Variants in RBFOX1 observed in about 807,000 individuals in gnomAD.
The protein encoded by RBFOX1 is RNA binding protein fox-1 homolog 1.
Under a neutral mutation model 57.7 loss-of-function variants are expected in RBFOX1, and 8 were observed. The ratio of observed to expected loss-of-function variants is 0.14; its 90% CI spans 0.08 to 0.25. The LOEUF (loss-of-function observed/expected upper bound fraction) is 0.25, where lower values mean the gene tolerates loss of function less well. Among genes scored for constraint, RBFOX1 ranks in the 10% least tolerant of loss-of-function variants. The pLI is 1.00. For synonymous variants in RBFOX1, 326 were observed against 222.4 expected, an observed-to-expected ratio of 1.47 and a Z score of -4.15; for missense variants, 611 against 548.5, an observed-to-expected ratio of 1.11 and a Z score of -1.14.
At chr16:6,487,552 C>T (rs1000651487) in intron 2 of RBFOX1, among the ~76,000 whole-genome samples, 5 of 150,726 alleles carry the variant, frequency 3.3e-5, no homozygotes, top group African/African-American at 9.8e-5. Flanking sequence ...AAGCATTTAC[C>T]GATAGTGAAG....
At chr16:5,870,609 G>GT (rs1036919545) in intron 4 of RBFOX1, among the ~76,000 whole-genome samples, 1 of 150,626 alleles carries the variant, frequency 6.6e-6, no homozygotes, top group African/African-American at 2.4e-5. Context: ...AGATGGAACA[G>GT]TTTTTTTTAG....
chr16:5,480,197 C>A (rs184914158), intron 2 of RBFOX1, among the ~76,000 whole-genome samples: 1 of 152,156 alleles, frequency 6.6e-6, no homozygotes, highest in Non-Finnish European at 1.5e-5. Context: ...AAAGAAATCC[C>A]TGCTGTGCTC....
At chr16:6,946,267 A>G (rs765714239) in intron 3 of RBFOX1, among the ~76,000 whole-genome samples, 2 of 152,252 alleles carry the variant, frequency 1.3e-5, no homozygotes, top group Non-Finnish European at 2.9e-5. Context: ...TAGTACAACA[A>G]TAGCCATAGA....
At chr16:6,851,378 A>G (rs2094053220) in intron 3 of RBFOX1, among the ~76,000 whole-genome samples, 1 of 152,040 alleles carries the variant, frequency 6.6e-6, no homozygotes, top group Non-Finnish European at 1.5e-5. Flanking sequence ...GTCAGATGTT[A>G]CCCCTGGAGC....
chr16:6,055,319 G>A (rs564283291), intron 1 of RBFOX1, among the ~76,000 whole-genome samples: 9 of 152,172 alleles, frequency 5.9e-5, no homozygotes, highest in South Asian at 2.1e-4. Flanking sequence ...ATTGCTGGGC[G>A]CGGTGGCTCA....
At chr16:6,431,402 G>C (rs890296992) in intron 2 of RBFOX1, among the ~76,000 whole-genome samples, 1 of 151,994 alleles carries the variant, frequency 6.6e-6, no homozygotes, top group African/African-American at 2.4e-5. Context: ...GAGGGAAAAG[G>C]AGCGTTTTGG....
At chr16:7,521,912 G>A (rs1231379978) in intron 5 of RBFOX1, among the ~76,000 whole-genome samples, 3 of 152,106 alleles carry the variant, frequency 2.0e-5, no homozygotes, top group East Asian at 1.9e-4. Context: ...TGGCTTCCTC[G>A]TCCTCACCTC....
intron 14 of RBFOX1, among the ~76,000 whole-genome samples, chr16:7,689,712 C>A (rs149351131): frequency 6.6e-6 from 1 of 151,770 alleles, no homozygotes; most frequent in South Asian, 2.1e-4. Flanking sequence ...GGGGCCAACT[C>A]AAAGAAAAAT....
chr16:6,172,674 A>G (rs2152769095), intron 1 of RBFOX1, among the ~76,000 whole-genome samples: 1 of 152,296 alleles, frequency 6.6e-6, no homozygotes, highest in East Asian at 1.9e-4. Context: ...ACCTTCCTAG[A>G]TGTGTTTGCT....
intron 1 of RBFOX1, among the ~76,000 whole-genome samples, chr16:6,291,059 T>C (rs981699515): frequency 6.6e-6 from 1 of 152,204 alleles, no homozygotes; most frequent in Non-Finnish European, 1.5e-5. Context: ...AACTTGCTGA[T>C]GTTGCCATGG....
intron 1 of RBFOX1, among the ~76,000 whole-genome samples, chr16:6,173,269 T>A (rs1416446516): frequency 6.6e-6 from 1 of 152,134 alleles, no homozygotes; most frequent in Non-Finnish European, 1.5e-5. Context: ...ACACCCAGAA[T>A]AGTGCTTGAC....
chr16:7,595,662 C>A, intron 8 of RBFOX1, 21 bp downstream of exon 8: 1 of 1,552,238 alleles, frequency 6.4e-7, no homozygotes, highest in Non-Finnish European at 8.7e-7. Context: ...AAAATATTTT[C>A]CTTTTCATCT....
At chr16:6,483,762 G>T in intron 2 of RBFOX1, 1 of 1,419,254 alleles carries the variant, frequency 7.0e-7, no homozygotes, top group South Asian at 1.5e-5. Flanking sequence ...GCAGCCGTCA[G>T]CCGCTGTCCA....
intron 1 of RBFOX1, among the ~76,000 whole-genome samples, chr16:5,460,781 A>T (rs2068763109): frequency 6.6e-6 from 1 of 152,230 alleles, no homozygotes; most frequent in African/African-American, 2.4e-5. Context: ...TGAGTGATGA[A>T]GATTCACATT....
At chr16:6,998,140 T>A (rs2092427854) in intron 3 of RBFOX1, among the ~76,000 whole-genome samples, 1 of 152,178 alleles carries the variant, frequency 6.6e-6, no homozygotes, top group South Asian at 2.1e-4. Context: ...TATCTATTTA[T>A]TTATTTACTT....
chr16:6,977,469 C>G (rs1322120961), intron 3 of RBFOX1, among the ~76,000 whole-genome samples: 4 of 152,080 alleles, frequency 2.6e-5, no homozygotes, highest in Admixed American at 6.6e-5. Flanking sequence ...GAATGCCTGA[C>G]TTCCTGAGAA....
At chr16:7,504,750 TATATTTA>T (rs2072454368) in intron 4 of RBFOX1, among the ~76,000 whole-genome samples, 6 of 6,598 alleles carry the variant, frequency 9.1e-4, no homozygotes, top group South Asian at 5.8e-3. Flanking sequence ...TATATATATA[TATATTTA>T]TATATATATA....
intron 4 of RBFOX1, among the ~76,000 whole-genome samples, chr16:7,249,678 A>G (rs1454652091): frequency 6.6e-6 from 1 of 150,786 alleles, no homozygotes; most frequent in Non-Finnish European, 1.5e-5. Context: ...ATTTATTTTT[A>G]TGTATTTTTT....
chr16:7,595,079 C>G (rs1375199864), intron 7 of RBFOX1, among the ~76,000 whole-genome samples: 2 of 152,196 alleles, frequency 1.3e-5, no homozygotes, highest in African/African-American at 4.8e-5. Context: ...CTTAAAACCA[C>G]ACGGCATGAC....
Sources: gnomAD v4.1 joint callset for allele counts (sites outside exome capture counted in the v4.1 genomes callset) on GRCh38, gnomAD v4.1.1 for gene constraint, MANE v1.5 for transcripts, NCBI Gene and HGNC (gene_info 2026-07-23, HGNC 2026-07-21) for gene names.